MARCHF6: variants seen among roughly 807,000 people sequenced by gnomAD.
The protein encoded by MARCHF6 is membrane associated ring-CH-type finger 6, also known as E3 ubiquitin-protein ligase MARCHF6.
In MARCHF6, 31 loss-of-function variants were observed where a neutral mutation model predicts 133.7. The ratio of observed to expected loss-of-function variants is 0.23; its 90% confidence interval spans 0.17 to 0.31. The LOEUF (loss-of-function observed/expected upper bound fraction) is 0.31, where lower values mean the gene tolerates loss of function less well. Among genes scored for constraint, MARCHF6 ranks in the 10% least tolerant of loss-of-function variants. The pLI, the probability that MARCHF6 is intolerant of heterozygous loss-of-function variation, is 1.00. For synonymous variants in MARCHF6, 395 were observed against 402.5 expected, an observed-to-expected ratio of 0.98 and a Z score of 0.22; for missense variants, 723 against 1,121.6, an observed-to-expected ratio of 0.64 and a Z score of 5.08.
In MARCHF6 at chr5:10,438,202, CCAAT is replaced by C. The variant is rs1740721442; in HGVS notation, c.*4522_*4525del. 6.6e-6 allele frequency: 1 copy of C among 152,050 alleles called. No individual in the cohort carries two copies. The highest frequency in any genetic ancestry group is 2.4e-5 in the African/African-American group (1 of 41,400). The allele number at this position is 152,050 out of a possible 1,614,324, so 9.4% of individuals were successfully genotyped here. On this transcript the variant is annotated 3_prime_UTR_variant, in exon 26 of 26. Transcript: ENST00000274140. ...TTTTAGCTGAATACTTAGAGTAAAA[CCAAT>C]CAAATCCATTGTACATACCTGACCA...
rs6866359 is a variant in MARCHF6 at position 10,435,697 on chromosome 5, A to T, written c.*2013A>T. 0.3 allele frequency: 1,768 copies of T among 5,862 alleles called. 253 individuals carry two copies. The highest frequency in any genetic ancestry group is 0.46 in the African/African-American group (869 of 1,878). 0.4% of individuals were successfully genotyped at this position (5,862 alleles called of 1,614,324 possible). A position where few individuals can be genotyped will look rare whatever the true frequency, so the allele number is the denominator to read the frequency against. ...TATATATATATATATATATATATAT[A>T]TTTTTTTTTTTTTTTTTTTTTTTTT... is the stretch of plus-strand genomic sequence containing the variant. On this transcript the variant is annotated 3_prime_UTR_variant, in exon 26 of 26. Coordinates refer to ENST00000274140, the MANE Select transcript of MARCHF6 (RefSeq NM_005885.4).
chr5:10,420,756 G>A (rs1367532192), intron 22 of MARCHF6, among the ~76,000 whole-genome samples: 5 of 152,336 alleles, frequency 3.3e-5, no homozygotes, highest in African/African-American at 1.2e-4. Context: ...TCAAACCACA[G>A]AAATGACCAA....
At chr5:10,423,443 T>G (rs1463419310) in intron 22 of MARCHF6, among the ~76,000 whole-genome samples, 1 of 152,240 alleles carries the variant, frequency 6.6e-6, no homozygotes, top group Non-Finnish European at 1.5e-5. Context: ...TGGCATTTAT[T>G]TTATTTGCTT....
chr5:10,358,075 G>T (rs1195177489), intron 1 of MARCHF6, among the ~76,000 whole-genome samples: 2 of 151,032 alleles, frequency 1.3e-5, no homozygotes, highest in African/African-American at 4.9e-5. Flanking sequence ...TAGCAGTAAA[G>T]GAAGGCCTCA....
intron 1 of MARCHF6, among the ~76,000 whole-genome samples, chr5:10,376,683 C>T (rs1736800997): frequency 1.3e-5 from 2 of 152,164 alleles, no homozygotes; most frequent in African/African-American, 4.8e-5. Context: ...TAGATCTCTC[C>T]ACCAGCCTAG....
Position 10,429,989 on chromosome 5 carries a change from G to A in MARCHF6, c.2603G>A (p.Arg868His), listed in dbSNP as rs763034228. 80 of 1,613,306 alleles carry A rather than the reference G, an allele frequency of 5.0e-5. No homozygotes were observed. Among genetic ancestry groups the A allele is most frequent in the Non-Finnish European group, 6.0e-5 (71 of 1,179,450 alleles). Reference sequence around the variant, plus strand: ...ATGGCAATTTTGTCCTTCCAAGTCCGCCAGTTTAAGCGCCTTTATGAACAT... The same window carrying A: ...ATGGCAATTTTGTCCTTCCAAGTCCACCAGTTTAAGCGCCTTTATGAACAT... ...VLMAILSFQV[R>H]QFKRLYEHIK... Residue 868 changes from arginine to histidine, a missense_variant, in exon 25 of 26, where the codon CGC becomes CAC. Transcript: ENST00000274140.
At chr5:10,379,317 A>G (rs1186754234) in intron 3 of MARCHF6, among the ~76,000 whole-genome samples, 1 of 152,126 alleles carries the variant, frequency 6.6e-6, no homozygotes, top group Non-Finnish European at 1.5e-5. Flanking sequence ...GTTCTTTTTC[A>G]AAAACGTAAC....
chr5:10,422,305 A>G lies in MARCHF6; in HGVS notation c.2284-1430A>G, dbSNP rs531426233. Among the ~76,000 whole-genome samples, 12 of 152,318 alleles carry G rather than the reference A, an allele frequency of 7.9e-5. No individual in the cohort carries two copies. In the South Asian group the frequency reaches 2.5e-3, roughly 32 times the overall value. ...ACTGATAACGGGGGTTCCAGAAGGA[A>G]CAAATGTGAGGCAGCATTGATACAA... is the stretch of plus-strand genomic sequence containing the variant. On this transcript the variant is annotated intron_variant, in intron 22 of 25. Coordinates refer to ENST00000274140, the MANE Select transcript of MARCHF6 (RefSeq NM_005885.4).
intron 14 of MARCHF6, among the ~76,000 whole-genome samples, chr5:10,402,997 T>A (rs1283346452): frequency 1.3e-5 from 2 of 152,210 alleles, no homozygotes; most frequent in Non-Finnish European, 2.9e-5. Flanking sequence ...GATTATACTC[T>A]TTAATTGCTG....
rs1405811297 is a variant in MARCHF6, at chr5:10,411,341, A to G, written c.1700A>G (p.His567Arg). 1.2e-6 allele frequency: 2 copies of G among 1,614,126 alleles called. No homozygotes were observed. Among genetic ancestry groups the G allele is most frequent in the South Asian group, 2.2e-5 (2 of 91,080 alleles). Residue 567 changes from histidine to arginine, a missense_variant, in exon 19 of 26, where the codon CAT (histidine) becomes CGT (arginine). Coordinates refer to ENST00000274140, the MANE Select transcript of MARCHF6 (RefSeq NM_005885.4). ...ATGTAATTTTTGCACAGGGATCTTC[A>G]TTCTTATTTATTGGGAGACCAGGAA... ...TVTAGYLLDL[H>R]SYLLGDQEEN... is the part of the protein sequence containing the mutation.
chr5:10,394,681 G>T, intron 8 of MARCHF6, 72 bp from the exon 9 acceptor site: 1 of 1,189,474 alleles, frequency 8.4e-7, no homozygotes. Context: ...AGGAAAATGA[G>T]GCTTTTCATA....
chr5:10,410,309 A>G, intron 18 of MARCHF6, 33 bp downstream of exon 18: 18 of 1,602,970 alleles, frequency 1.1e-5, no homozygotes, highest in Non-Finnish European at 1.5e-5. Flanking sequence ...TTGGACATGC[A>G]TGTCATTTGT....
At position 10,435,297 on chromosome 5, in the gene MARCHF6, G is replaced by A. The variant is rs934335607; in HGVS notation, c.*1613G>A. 2 of 151,652 alleles carry A rather than the reference G, an allele frequency of 1.3e-5. No individual in the cohort carries two copies. The highest frequency in any genetic ancestry group is 2.9e-5 in the Non-Finnish European group (2 of 67,868). The allele number at this position is 151,652 out of a possible 1,614,324, so 9.4% of individuals were successfully genotyped here. A position where few individuals can be genotyped will look rare whatever the true frequency, so the allele number is the denominator to read the frequency against. On this transcript the variant is annotated 3_prime_UTR_variant, in exon 26 of 26. Transcript: ENST00000274140. ...ACATATTTTTAAAAACATCGGTATC[G>A]GGAGCTGCGGTGGCTCCGGCCGGTT...
intron 3 of MARCHF6, among the ~76,000 whole-genome samples, chr5:10,380,203 TG>T (rs1337554690): frequency 1.3e-5 from 2 of 151,194 alleles, no homozygotes. Flanking sequence ...TTAAGCATCT[TG>T]AGCTTCTCGA....
chr5:10,411,683 T>C (rs1285858150), intron 19 of MARCHF6, 146 bp downstream of exon 19: 1 of 570,796 alleles, frequency 1.8e-6, no homozygotes, highest in Non-Finnish European at 2.9e-6. Context: ...GTAACGTAAA[T>C]GATTAGGTAA....
At chr5:10,378,912 A>G (rs567714730) in intron 3 of MARCHF6, 80 bp downstream of exon 3, 70 of 859,938 alleles carry the variant, frequency 8.1e-5, no homozygotes, top group African/African-American at 6.2e-4. Context: ...ATCAGTTGAC[A>G]GAGGAAGGGG....
intron 1 of MARCHF6, among the ~76,000 whole-genome samples, chr5:10,373,451 G>A (rs1370192880): frequency 6.6e-6 from 1 of 152,154 alleles, no homozygotes; most frequent in Non-Finnish European, 1.5e-5. Context: ...CCTGACCACA[G>A]CTTTCTCAGG....
Position 10,433,888 on chromosome 5 carries a change from A to T in MARCHF6, c.*204A>T, listed in dbSNP as rs531021222. On this transcript the variant is annotated 3_prime_UTR_variant, in exon 26 of 26. Coordinates refer to ENST00000274140, the MANE Select transcript of MARCHF6 (RefSeq NM_005885.4). ...GACATTACTGCTGTCTGAGATTTGTATATGTGTAAATACAAGTTCCTTGAT... is the reference window on the plus strand; with the variant it reads ...GACATTACTGCTGTCTGAGATTTGTTTATGTGTAAATACAAGTTCCTTGAT... 1.2e-4 allele frequency: 65 copies of T among 561,244 alleles called. No homozygotes were observed. The South Asian group carries it at 1.2e-3, about 11-fold the overall frequency. 34.8% of individuals were successfully genotyped at this position (561,244 alleles called of 1,614,324 possible).
intron 22 of MARCHF6, 137 bp from the exon 23 acceptor site, chr5:10,423,598 G>A: frequency 2.1e-6 from 1 of 468,546 alleles, no homozygotes; most frequent in South Asian, 6.1e-5. Flanking sequence ...CAGTACGTTA[G>A]TCTTTTGTAA....
Sources: gnomAD v4.1 joint callset for allele counts (sites outside exome capture counted in the v4.1 genomes callset) on GRCh38, gnomAD v4.1.1 for gene constraint, MANE v1.5 for transcripts, NCBI Gene and HGNC (gene_info 2026-07-23, HGNC 2026-07-21) for gene names.